RALGAPA2: variants seen among roughly 807,000 people sequenced by gnomAD.
RALGAPA2 encodes Ral GTPase activating protein catalytic subunit alpha 2.
A neutral mutation model predicts 230.4 loss-of-function variants in RALGAPA2; 139 were observed. The observed-to-expected ratio is 0.60, with a 90% CI of 0.53 to 0.69. The LOEUF is 0.69. RALGAPA2 is among the 30% of genes least tolerant of loss of function. The pLI is 0.00. For missense variants in RALGAPA2, 2,163 were observed against 2,276.0 expected (o/e 0.95, Z 1.01); for synonymous variants, 847 against 837.8 (o/e 1.01, Z -0.19).
At chr20:20,556,528 C>T (rs1487555370) in intron 23 of RALGAPA2, among the ~76,000 whole-genome samples, 2 of 152,156 alleles carry the variant, frequency 1.3e-5, no homozygotes, top group Admixed American at 1.3e-4. Flanking sequence ...AGTCATGACA[C>T]CGATAAGCTT....
At chr20:20,604,073 T>C (rs2065744629) in intron 15 of RALGAPA2, among the ~76,000 whole-genome samples, 1 of 152,220 alleles carries the variant, frequency 6.6e-6, no homozygotes, top group South Asian at 2.1e-4. Flanking sequence ...TGTTTGACTT[T>C]TCCATCTCCC....
chr20:20,649,052 C>G (rs1169158978), intron 4 of RALGAPA2, among the ~76,000 whole-genome samples: 2 of 152,266 alleles, frequency 1.3e-5, no homozygotes, highest in East Asian at 1.9e-4. Flanking sequence ...AGAGCAGTAA[C>G]GGTAAAAGCA....
intron 3 of RALGAPA2, among the ~76,000 whole-genome samples, chr20:20,656,203 T>C (rs2067584613): frequency 1.3e-5 from 2 of 152,234 alleles, no homozygotes; most frequent in Non-Finnish European, 2.9e-5. Context: ...GAAGGTAAAA[T>C]GAAGGTAAAG....
At chr20:20,617,755 T>C (rs2066193430) in intron 12 of RALGAPA2, among the ~76,000 whole-genome samples, 1 of 152,184 alleles carries the variant, frequency 6.6e-6, no homozygotes, top group South Asian at 2.1e-4. Flanking sequence ...CTTGAACATC[T>C]GAGACACAGT....
At chr20:20,440,079 C>T (rs2060703905) in intron 37 of RALGAPA2, among the ~76,000 whole-genome samples, 1 of 152,198 alleles carries the variant, frequency 6.6e-6, no homozygotes, top group Middle Eastern at 3.4e-3. Context: ...TTTTATATCT[C>T]CACACGGGCA....
chr20:20,523,545 A>G (rs2145471695), intron 30 of RALGAPA2, among the ~76,000 whole-genome samples: 1 of 152,338 alleles, frequency 6.6e-6, no homozygotes, highest in South Asian at 2.1e-4. Context: ...TGTAGTTAAC[A>G]TTAATCAACT....
At position 20,535,725 on chromosome 20, in the gene RALGAPA2, A is replaced by T. The variant is rs758363949; in HGVS notation, c.3473+20T>A. On this transcript the variant is annotated intron_variant, in intron 26 of 39. Transcript: ENST00000202677. ...GTATCTTAAAATTCTAAAATAGTTT[A>T]CCTCTTATTCAACATTTACCTTGCA... The T allele has an allele frequency of 1.6e-5, 24 of 1,540,884 alleles. No homozygotes were observed. Among genetic ancestry groups the T allele is most frequent in the Non-Finnish European group, 2.1e-5 (24 of 1,143,392 alleles).
chr20:20,709,565 T>G (rs190422531), intron 1 of RALGAPA2, among the ~76,000 whole-genome samples: 3 of 152,142 alleles, frequency 2.0e-5, no homozygotes, highest in African/African-American at 4.8e-5. Context: ...TTGTCAACAG[T>G]GTAGGAAGAA....
At chr20:20,473,104 A>T in intron 36 of RALGAPA2, 148 bp from the exon 37 acceptor site, 1 of 792,484 alleles carries the variant, frequency 1.3e-6, no homozygotes, top group Non-Finnish European at 1.9e-6. Context: ...ACACAGGTCT[A>T]GGGCTTTCAA....
intron 1 of RALGAPA2, among the ~76,000 whole-genome samples, chr20:20,682,734 C>T (rs1169635988): frequency 6.6e-6 from 1 of 152,190 alleles, no homozygotes; most frequent in Non-Finnish European, 1.5e-5. Flanking sequence ...GCATCTAGCA[C>T]AATATTTAGT....
chr20:20,558,065 C>T (rs949394540), intron 23 of RALGAPA2, among the ~76,000 whole-genome samples: 2 of 151,946 alleles, frequency 1.3e-5, no homozygotes, highest in South Asian at 4.1e-4. Context: ...AGTGCAGTGG[C>T]GCAATCTCGG....
chr20:20,516,466 G>A (rs1338103784), intron 31 of RALGAPA2, among the ~76,000 whole-genome samples: 1 of 152,222 alleles, frequency 6.6e-6, no homozygotes, highest in African/African-American at 2.4e-5. Context: ...CACTGCCCAG[G>A]AAGGAGAAAA....
At chr20:20,624,944 C>G (rs1025966860) in intron 10 of RALGAPA2, among the ~76,000 whole-genome samples, 2 of 152,198 alleles carry the variant, frequency 1.3e-5, no homozygotes, top group African/African-American at 4.8e-5. Context: ...CCCATCCCCA[C>G]CCCAGGCACT....
chr20:20,689,716 T>C (rs1366469359), intron 1 of RALGAPA2, among the ~76,000 whole-genome samples: 1 of 152,194 alleles, frequency 6.6e-6, no homozygotes, highest in East Asian at 1.9e-4. Flanking sequence ...TGAGGAAAAT[T>C]GGTAGAGATC....
At chr20:20,510,162 TG>T (rs1171208488) in intron 33 of RALGAPA2, among the ~76,000 whole-genome samples, 1 of 152,132 alleles carries the variant, frequency 6.6e-6, no homozygotes, top group Admixed American at 6.5e-5. Context: ...AACTCATCGC[TG>T]TAAGTGCAAG....
chr20:20,398,288 A>C lies in RALGAPA2; in HGVS notation c.5618-1554T>G, dbSNP rs1122099. On this transcript the variant is annotated intron_variant, in intron 38 of 39. Coordinates refer to ENST00000202677, the MANE Select transcript of RALGAPA2 (RefSeq NM_020343.4). This position sits in a 1 kb window ranked among gnomAD's most constrained non-coding sequence, Gnocchi z 4.5. ...CTGTGCGTACAGGCACCCGATTGGT[A>C]GAAACCAAGAAAGCAGATGGCGCAG... Among the ~76,000 whole-genome samples, 10,903 of 152,232 alleles carry C rather than the reference A, an allele frequency of 0.072. 698 individuals carry two copies. Among genetic ancestry groups the C allele is most frequent in the East Asian group, 0.21 (1,085 of 5,166 alleles).
At chr20:20,565,070 C>CTGCTAGTG (rs1378769843) in intron 23 of RALGAPA2, among the ~76,000 whole-genome samples, 1 of 152,154 alleles carries the variant, frequency 6.6e-6, no homozygotes, top group East Asian at 1.9e-4. Context: ...AGTACTTTAT[C>CTGCTAGTG]TGCTAGTGTT....
intron 23 of RALGAPA2, among the ~76,000 whole-genome samples, chr20:20,552,608 T>G (rs151319537): frequency 6.6e-6 from 1 of 152,140 alleles, no homozygotes; most frequent in African/African-American, 2.4e-5. Context: ...TTATAAAAAA[T>G]GTGAATGCAG....
rs531339093 is a variant in RALGAPA2 at position 20,679,067 on chromosome 20, T to C, written c.217+1624A>G. 5.9e-5 allele frequency among the ~76,000 whole-genome samples: 9 copies of C among 152,320 alleles called. No homozygotes were observed. The East Asian group carries it at 9.6e-4, about 16-fold the overall frequency. ...CTGACCATCACTCTCTTTCTCTGTATATACTTTTTCCCTTGGCAATAACAC... is the reference window on the plus strand; with the variant it reads ...CTGACCATCACTCTCTTTCTCTGTACATACTTTTTCCCTTGGCAATAACAC... On this transcript the variant is annotated intron_variant, in intron 2 of 39. Coordinates refer to ENST00000202677, the MANE Select transcript of RALGAPA2 (RefSeq NM_020343.4).
Sources: allele counts gnomAD v4.1 joint callset (sites outside exome capture counted in the v4.1 genomes callset), GRCh38; gene constraint gnomAD v4.1.1; non-coding constraint Gnocchi (gnomAD v3.1); transcripts MANE v1.5; gene names NCBI Gene and HGNC (gene_info 2026-07-23, HGNC 2026-07-21).